Variants in DSCAML1 observed in about 807,000 individuals in gnomAD.
DSCAML1 encodes cell adhesion molecule DSCAML1.
DSCAML1 carries 38 observed loss-of-function variants against 200.5 expected under a neutral mutation model. The ratio of observed to expected loss-of-function variants is 0.19; its 90% CI spans 0.15 to 0.25. The LOEUF (loss-of-function observed/expected upper bound fraction) is 0.25. Ranked by LOEUF, DSCAML1 falls within the 10% of genes least tolerant of loss-of-function variation. The pLI, the probability that DSCAML1 is intolerant of heterozygous loss-of-function variation, is 1.00. For synonymous variants in DSCAML1, 1,215 were observed against 1,165.0 expected, an observed-to-expected ratio of 1.04 and a Z score of -0.87; for missense variants, 2,223 against 2,858.8, an observed-to-expected ratio of 0.78 and a Z score of 5.07.
At chr11:117,726,347 T>C (rs886590784) in intron 3 of DSCAML1, among the ~76,000 whole-genome samples, 1 of 152,006 alleles carries the variant, frequency 6.6e-6, no homozygotes, top group Non-Finnish European at 1.5e-5. Context: ...AGATATTCTG[T>C]GTGGGGGAAG....
At chr11:117,646,841 T>TAGAG (rs35144550) in intron 3 of DSCAML1, among the ~76,000 whole-genome samples, 1 of 146,838 alleles carries the variant, frequency 6.8e-6, no homozygotes, top group Non-Finnish European at 1.5e-5. Flanking sequence ...AGAGGTCTCC[T>TAGAG]AGAGAGAGAG....
intron 3 of DSCAML1, among the ~76,000 whole-genome samples, chr11:117,745,829 C>T (rs933366747): frequency 5.9e-5 from 9 of 152,148 alleles, no homozygotes; most frequent in Non-Finnish European, 8.8e-5. Context: ...TCAATGTCTT[C>T]GTCTGTAACA....
At chr11:117,755,614 A>G (rs1427181141) in intron 3 of DSCAML1, among the ~76,000 whole-genome samples, 4 of 152,240 alleles carry the variant, frequency 2.6e-5, no homozygotes, top group Non-Finnish European at 5.9e-5. Flanking sequence ...CAATCAAATT[A>G]CAGAGTCAAG....
At chr11:117,440,778 G>A (rs937919372) in intron 21 of DSCAML1, among the ~76,000 whole-genome samples, 1 of 152,012 alleles carries the variant, frequency 6.6e-6, no homozygotes, top group Non-Finnish European at 1.5e-5. Context: ...AAAATTAGCC[G>A]GGCACGATGG....
chr11:117,575,056 T>C (rs2050908136), intron 3 of DSCAML1, among the ~76,000 whole-genome samples: 1 of 152,052 alleles, frequency 6.6e-6, no homozygotes, highest in South Asian at 2.1e-4. Context: ...CTGGGCATGG[T>C]CATAGGCGCC....
Position 117,780,082 on chromosome 11 carries a change from T to G in DSCAML1, c.364+411A>C, listed in dbSNP as rs181454092. Among the ~76,000 whole-genome samples, 73 of 148,958 alleles carry G rather than the reference T, an allele frequency of 4.9e-4. No homozygotes were observed. The East Asian group carries it at 9.2e-3, about 19-fold the overall frequency. On this transcript the variant is annotated intron_variant, in intron 2 of 32. Transcript: ENST00000651296. The surrounding 1 kb of genome is among the most constrained non-coding windows in gnomAD (Gnocchi z 4.8). ...AACTGAGGCTTAGGAAGGTGTCTTC[T>G]CACCACTGCACTCCAGTCTGGGCGA...
At chr11:117,748,279 G>C (rs2054549649) in intron 3 of DSCAML1, among the ~76,000 whole-genome samples, 1 of 152,164 alleles carries the variant, frequency 6.6e-6, no homozygotes, top group African/African-American at 2.4e-5. Flanking sequence ...ACTACCTCAT[G>C]AGGGAATCCA....
At chr11:117,774,355 AGCAAACCGCAAGC>A (rs1432969631) in intron 3 of DSCAML1, among the ~76,000 whole-genome samples, 6 of 152,354 alleles carry the variant, frequency 3.9e-5, no homozygotes, top group Admixed American at 1.3e-4. Context: ...ACACCACTGC[AGCAAACCGCAAGC>A]GCAAATGCTC....
chr11:117,441,474 G>C (rs2048046670), intron 21 of DSCAML1, among the ~76,000 whole-genome samples: 1 of 152,208 alleles, frequency 6.6e-6, no homozygotes, highest in African/African-American at 2.4e-5. Context: ...GAGGACGGGA[G>C]TGTCCCAAGG....
At chr11:117,519,276 G>A (rs1031139754) in intron 6 of DSCAML1, among the ~76,000 whole-genome samples, 3 of 152,194 alleles carry the variant, frequency 2.0e-5, no homozygotes, top group Non-Finnish European at 4.4e-5. Context: ...TCTGCGTGGG[G>A]CCTCAGGAGG....
At position 117,428,875 on chromosome 11, in the gene DSCAML1, C is replaced by T. The variant is rs1369239964; in HGVS notation, c.5687-72G>A. 128 of 1,383,316 alleles carry T rather than the reference C, an allele frequency of 9.3e-5. 1 individual carries two copies. Among genetic ancestry groups the T allele is most frequent in the Non-Finnish European group, 1.2e-4 (123 of 1,015,340 alleles). The allele number at this position is 1,383,316 out of a possible 1,614,324, so 85.7% of individuals were successfully genotyped here. ...GGAAGCAGCTCGTTCAGCCCCCACC[C>T]CATCCCCTGCCCCCAGTCTTCTCTC... On this transcript the variant is annotated intron_variant, in intron 32 of 32. Coordinates refer to ENST00000651296, the MANE Select transcript of DSCAML1 (RefSeq NM_020693.4).
At chr11:117,584,829 T>C in intron 3 of DSCAML1, among the ~76,000 whole-genome samples, 1 of 152,208 alleles carries the variant, frequency 6.6e-6, no homozygotes, top group East Asian at 1.9e-4. Flanking sequence ...GGCAAGTGAC[T>C]CAGTCTCCTT....
chr11:117,712,004 A>G (rs2053857905), intron 3 of DSCAML1, among the ~76,000 whole-genome samples: 1 of 152,216 alleles, frequency 6.6e-6, no homozygotes, highest in African/African-American at 2.4e-5. Flanking sequence ...ACCTCTTGCT[A>G]TATTCGTTTA....
At chr11:117,453,243 GT>G (rs1449515984) in intron 19 of DSCAML1, among the ~76,000 whole-genome samples, 1 of 152,108 alleles carries the variant, frequency 6.6e-6, no homozygotes, top group Non-Finnish European at 1.5e-5. Flanking sequence ...CCCCATTGTC[GT>G]TTATTTTAAT....
chr11:117,589,603 A>T (rs1348530232), intron 3 of DSCAML1, among the ~76,000 whole-genome samples: 1 of 152,236 alleles, frequency 6.6e-6, no homozygotes, highest in Non-Finnish European at 1.5e-5. Context: ...ATCGATGCTT[A>T]TTACAATGGC....
At chr11:117,445,749 T>G (rs2048165372) in intron 20 of DSCAML1, among the ~76,000 whole-genome samples, 2 of 152,098 alleles carry the variant, frequency 1.3e-5, no homozygotes, top group Admixed American at 1.3e-4. Flanking sequence ...TATACCTGAG[T>G]GTATATTTGT....
At position 117,518,325 on chromosome 11, in the gene DSCAML1, G is replaced by T. The variant is rs1014094560; in HGVS notation, c.1510+141C>A. ...GCGCTTGAGGAGGGCAGGAAAAGGG[G>T]ACGAGAGAGGGGAGAGAGACCTCTA... On this transcript the variant is annotated intron_variant, in intron 7 of 32. Coordinates refer to ENST00000651296, the MANE Select transcript of DSCAML1 (RefSeq NM_020693.4). This position sits in a 1 kb window ranked among gnomAD's most constrained non-coding sequence, Gnocchi z 6.3. 1 of 1,156,846 alleles carries T rather than the reference G, an allele frequency of 8.6e-7. No homozygotes were observed. Among genetic ancestry groups the T allele is most frequent in the Non-Finnish European group, 1.3e-6 (1 of 797,826 alleles). The allele number at this position is 1,156,846 out of a possible 1,614,324, so 71.7% of individuals were successfully genotyped here. A position where few individuals can be genotyped will look rare whatever the true frequency, so the allele number is the denominator to read the frequency against.
At chr11:117,613,083 A>AT (rs2051729414) in intron 3 of DSCAML1, among the ~76,000 whole-genome samples, 1 of 151,708 alleles carries the variant, frequency 6.6e-6, no homozygotes, top group East Asian at 1.9e-4. Context: ...GTATATGTAT[A>AT]TTTTTTTCTG....
Position 117,505,161 on chromosome 11 carries a change from G to C in DSCAML1, c.2063-118C>G. On this transcript the variant is annotated intron_variant, in intron 9 of 32. Transcript: ENST00000651296. This position sits in a 1 kb window ranked among gnomAD's most constrained non-coding sequence, Gnocchi z 6.7. ...CCCGGGCCATTATAAAGTTGGAAGC[G>C]GGCAGTTTCTGAAACCCAAGATGCT... is the stretch of plus-strand genomic sequence containing the variant. 3 of 1,451,800 alleles carry C rather than the reference G, an allele frequency of 2.1e-6. No homozygotes were observed. The highest frequency in any genetic ancestry group is 2.8e-5 in the South Asian group (2 of 71,958). 89.9% of individuals were successfully genotyped at this position (1,451,800 alleles called of 1,614,324 possible). A position where few individuals can be genotyped will look rare whatever the true frequency, so the allele number is the denominator to read the frequency against.
Sources: gnomAD v4.1 joint callset for allele counts (sites outside exome capture counted in the v4.1 genomes callset) on GRCh38, gnomAD v4.1.1 for gene constraint, Gnocchi (gnomAD v3.1) non-coding constraint, MANE v1.5 for transcripts, NCBI Gene and HGNC (gene_info 2026-07-23, HGNC 2026-07-21) for gene names.